CDH13: variants seen among roughly 807,000 people sequenced by gnomAD.
CDH13 encodes the protein cadherin 13.
A neutral mutation model predicts 63.8 loss-of-function variants in CDH13; 24 were observed. The ratio of observed to expected loss-of-function variants is 0.38; its 90% CI spans 0.27 to 0.53. CDH13 has a LOEUF of 0.53. Ranked by LOEUF, CDH13 falls within the 20% of genes least tolerant of loss-of-function variation. CDH13 has a pLI of 0.85. For synonymous variants in CDH13, 503 were observed against 355.3 expected (o/e 1.42, Z -4.67); for missense variants, 1,049 against 903.1 (o/e 1.16, Z -2.07).
intron 8 of CDH13, among the ~76,000 whole-genome samples, chr16:83,622,282 G>C (rs772721623): frequency 6.6e-6 from 1 of 152,110 alleles, no homozygotes; most frequent in South Asian, 2.1e-4. Flanking sequence ...TGAGGTGTGA[G>C]TCAGAGCACC....
intron 4 of CDH13, among the ~76,000 whole-genome samples, chr16:83,194,401 C>A (rs1597495230): frequency 6.6e-6 from 1 of 152,332 alleles, no homozygotes; most frequent in East Asian, 1.9e-4. Context: ...GTTTTCCTGT[C>A]TCCCCATGGA....
chr16:82,639,390 C>T, intron 1 of CDH13: 2 of 1,535,478 alleles, frequency 1.3e-6, no homozygotes, highest in Non-Finnish European at 1.7e-6. Flanking sequence ...CTGCATGGTT[C>T]CCCCAGCAAG....
At chr16:83,028,669 A>C (rs1387572434) in intron 2 of CDH13, among the ~76,000 whole-genome samples, 1 of 152,194 alleles carries the variant, frequency 6.6e-6, no homozygotes, top group African/African-American at 2.4e-5. Context: ...GGCACAGTAA[A>C]ATATTAACAA....
rs1198785350 is a variant in CDH13, at chr16:82,856,735, G to GT, written c.46-1626dup. 9.6e-5 allele frequency among the ~76,000 whole-genome samples: 11 copies of GT among 114,924 alleles called. No individual in the cohort carries two copies. In the East Asian group the frequency reaches 1.6e-3, roughly 17 times the overall value. 75.4% of individuals were successfully genotyped at this position (114,924 alleles called of 152,430 possible). A position where few individuals can be genotyped will look rare whatever the true frequency, so the allele number is the denominator to read the frequency against. The stretch of plus-strand genomic sequence containing the variant: ...AAAAAAAAAAAAGGAAACTTTAAAA[G>GT]TCAAAAAAAATAGAAAAAATACCAA... On this transcript the variant is annotated intron_variant, in intron 1 of 13. Coordinates refer to ENST00000567109, the MANE Select transcript of CDH13 (RefSeq NM_001257.5).
intron 10 of CDH13, among the ~76,000 whole-genome samples, chr16:83,726,792 G>T (rs912143710): frequency 2.0e-5 from 3 of 151,388 alleles, no homozygotes; most frequent in Admixed American, 1.3e-4. Flanking sequence ...GAGCGGAGAT[G>T]GCGCCACTGC....
chr16:83,363,574 G>C (rs1243162947), intron 6 of CDH13, among the ~76,000 whole-genome samples: 1 of 152,188 alleles, frequency 6.6e-6, no homozygotes, highest in African/African-American at 2.4e-5. Flanking sequence ...ATGGTCAATT[G>C]GTTAAATAAG....
At chr16:83,234,973 G>C (rs1266891041) in intron 5 of CDH13, among the ~76,000 whole-genome samples, 2 of 152,174 alleles carry the variant, frequency 1.3e-5, no homozygotes, top group Non-Finnish European at 2.9e-5. Flanking sequence ...TAAGCCAGAG[G>C]ATTGCTTGAG....
At chr16:83,544,093 G>T (rs916510277) in intron 7 of CDH13, among the ~76,000 whole-genome samples, 1 of 152,178 alleles carries the variant, frequency 6.6e-6, no homozygotes, top group African/African-American at 2.4e-5. Context: ...GCTCTGTGCA[G>T]TGTGCTTCGA....
intron 5 of CDH13, among the ~76,000 whole-genome samples, chr16:83,305,719 GTTCCATTTTCT>G (rs1054210879): frequency 2.6e-5 from 4 of 152,140 alleles, no homozygotes; most frequent in African/African-American, 9.7e-5. Flanking sequence ...GGCAAATGAT[GTTCCATTTTCT>G]TTCATCTGTA....
intron 7 of CDH13, among the ~76,000 whole-genome samples, chr16:83,502,148 G>A (rs1021750259): frequency 7.9e-5 from 12 of 152,156 alleles, no homozygotes; most frequent in Non-Finnish European, 1.6e-4. Flanking sequence ...CCCAGAACTT[G>A]TAAATATGTT....
At chr16:83,422,159 C>T (rs1418291258) in intron 6 of CDH13, among the ~76,000 whole-genome samples, 1 of 152,186 alleles carries the variant, frequency 6.6e-6, no homozygotes, top group Non-Finnish European at 1.5e-5. Context: ...CCATGTTCCC[C>T]TTTAATTAGA....
chr16:83,644,470 T>TA (rs1476095581), intron 8 of CDH13, among the ~76,000 whole-genome samples: 1 of 152,242 alleles, frequency 6.6e-6, no homozygotes, highest in Non-Finnish European at 1.5e-5. Context: ...AAAGTCTTTG[T>TA]AGGATAAACT....
At chr16:82,875,247 AT>A (rs1029225997) in intron 2 of CDH13, among the ~76,000 whole-genome samples, 40 of 152,340 alleles carry the variant, frequency 2.6e-4, no homozygotes, top group African/African-American at 9.6e-4. Context: ...TGATCAGGAC[AT>A]TTTAGTGATA....
intron 6 of CDH13, among the ~76,000 whole-genome samples, chr16:83,350,606 G>A (rs1031658082): frequency 2.0e-5 from 3 of 152,016 alleles, no homozygotes; most frequent in African/African-American, 7.3e-5. Flanking sequence ...CTGTGCTGGC[G>A]CTATTCTAAG....
At chr16:83,549,200 G>A (rs1170365746) in intron 7 of CDH13, among the ~76,000 whole-genome samples, 1 of 152,118 alleles carries the variant, frequency 6.6e-6, no homozygotes, top group Non-Finnish European at 1.5e-5. Flanking sequence ...CTGTGATGGA[G>A]TCCTTGGGTC....
At chr16:83,193,008 G>T (rs1193553286) in intron 4 of CDH13, among the ~76,000 whole-genome samples, 4 of 152,220 alleles carry the variant, frequency 2.6e-5, no homozygotes, top group African/African-American at 9.6e-5. Flanking sequence ...AAAGATGGAG[G>T]CTGCCCATCA....
chr16:83,711,878 A>G (rs1237695031), intron 10 of CDH13, among the ~76,000 whole-genome samples: 1 of 152,240 alleles, frequency 6.6e-6, no homozygotes, highest in East Asian at 1.9e-4. Context: ...GCCATAACAA[A>G]GTACCATAGA....
chr16:83,654,190 G>A (rs1056060234), intron 8 of CDH13, among the ~76,000 whole-genome samples: 39 of 151,942 alleles, frequency 2.6e-4, no homozygotes, highest in South Asian at 2.1e-4. Flanking sequence ...AATTTGTTCC[G>A]GTTCTTTCTA....
At chr16:82,648,708 T>C (rs1028899451) in intron 1 of CDH13, among the ~76,000 whole-genome samples, 9 of 152,378 alleles carry the variant, frequency 5.9e-5, no homozygotes, top group Admixed American at 3.9e-4. Context: ...AAGTCTCCAT[T>C]GATACACTTG....
Sources: gnomAD v4.1 joint callset for allele counts (sites outside exome capture counted in the v4.1 genomes callset) on GRCh38, gnomAD v4.1.1 for gene constraint, MANE v1.5 for transcripts, NCBI Gene and HGNC (gene_info 2026-07-23, HGNC 2026-07-21) for gene names.